The following DIP2B variants were observed in gnomAD, a reference collection of about 807,000 sequenced individuals.
The protein encoded by DIP2B is disco-interacting protein 2 homolog B.
In DIP2B, 76 loss-of-function variants were observed where a neutral mutation model predicts 198.0. That is an observed-to-expected ratio of 0.38 (90% CI 0.32 to 0.46). The LOEUF (loss-of-function observed/expected upper bound fraction) is 0.46. Ranked by LOEUF, DIP2B falls within the 20% of genes least tolerant of loss-of-function variation. The pLI is 0.99. For missense variants in DIP2B, 1,559 were observed against 1,978.4 expected, an observed-to-expected ratio of 0.79 and a Z score of 4.02; for synonymous variants, 701 against 739.1, an observed-to-expected ratio of 0.95 and a Z score of 0.84.
chr12:50,608,231 G>T (rs531508898), intron 1 of DIP2B, among the ~76,000 whole-genome samples: 2 of 152,118 alleles, frequency 1.3e-5, no homozygotes, highest in African/African-American at 4.8e-5. Flanking sequence ...CATATCAAAT[G>T]GTTGCTGTTT....
intron 12 of DIP2B, 144 bp from the exon 13 acceptor site, chr12:50,690,905 T>C (rs1326030698): frequency 3.2e-6 from 2 of 633,534 alleles, no homozygotes; most frequent in East Asian, 5.7e-5. Context: ...GAGACCCTAG[T>C]ACATTGCCTT....
intron 1 of DIP2B, among the ~76,000 whole-genome samples, chr12:50,547,709 A>G (rs1958389857): frequency 6.6e-6 from 1 of 152,214 alleles, no homozygotes; most frequent in African/African-American, 2.4e-5. Flanking sequence ...GCTAAAAAAT[A>G]TCTGTAATAT....
chr12:50,550,863 T>A (rs1048728472), intron 1 of DIP2B, among the ~76,000 whole-genome samples: 1 of 152,098 alleles, frequency 6.6e-6, no homozygotes, highest in Admixed American at 6.6e-5. Flanking sequence ...GTGGCTCACG[T>A]TTATAATCCC....
intron 28 of DIP2B, 113 bp from the exon 29 acceptor site, chr12:50,727,590 A>G (rs1376000704): frequency 1.1e-6 from 1 of 915,908 alleles, no homozygotes; most frequent in Non-Finnish European, 1.7e-6. Context: ...TGAGAGGCCT[A>G]AGCTTTAGCA....
chr12:50,640,142 A>T (rs1938228888), intron 2 of DIP2B, among the ~76,000 whole-genome samples: 1 of 152,176 alleles, frequency 6.6e-6, no homozygotes, highest in Non-Finnish European at 1.5e-5. Flanking sequence ...ATCATTTGAG[A>T]TAAAAAGGCA....
chr12:50,669,688 G>A (rs2139522369), intron 4 of DIP2B, among the ~76,000 whole-genome samples: 1 of 152,264 alleles, frequency 6.6e-6, no homozygotes, highest in African/African-American at 2.4e-5. Flanking sequence ...GCCTCCCAAA[G>A]TACTGGGATT....
intron 10 of DIP2B, among the ~76,000 whole-genome samples, chr12:50,684,660 C>A (rs1939103255): frequency 6.6e-6 from 1 of 151,710 alleles, no homozygotes; most frequent in South Asian, 2.1e-4. Context: ...GGTGTGATGG[C>A]ACAAGCCTGT....
chr12:50,518,653 A>G (rs1018085597), intron 1 of DIP2B, among the ~76,000 whole-genome samples: 3 of 152,108 alleles, frequency 2.0e-5, no homozygotes, highest in Non-Finnish European at 4.4e-5. Context: ...TTTGACCTCC[A>G]TCTCCCTGAA....
chr12:50,639,786 A>G (rs1399172824), intron 2 of DIP2B, among the ~76,000 whole-genome samples: 3 of 152,224 alleles, frequency 2.0e-5, no homozygotes, highest in African/African-American at 4.8e-5. Context: ...ATGTGACAAC[A>G]TGGATGAACC....
chr12:50,640,510 C>T (rs1350169734), intron 2 of DIP2B, among the ~76,000 whole-genome samples: 3 of 152,140 alleles, frequency 2.0e-5, no homozygotes, highest in African/African-American at 7.2e-5. Context: ...TATTCCTCTC[C>T]TATCAACCTG....
At position 50,676,217 on chromosome 12, in the gene DIP2B, G is replaced by T. The variant is rs761681537; in HGVS notation, c.916+769G>T. Among the ~76,000 whole-genome samples, 3 of 152,196 alleles carry T rather than the reference G, an allele frequency of 2.0e-5. No individual in the cohort carries two copies. In the East Asian group the frequency reaches 5.8e-4, roughly 29 times the overall value. The stretch of plus-strand genomic sequence containing the variant: ...TGATAATTATAGAGTGATGACGATA[G>T]ATCTAGACAAATAGATCTACCTAAG... On this transcript the variant is annotated intron_variant, in intron 7 of 37. Transcript: ENST00000301180.
chr12:50,661,789 G>C (rs1293587974), intron 4 of DIP2B, among the ~76,000 whole-genome samples: 1 of 152,200 alleles, frequency 6.6e-6, no homozygotes, highest in Admixed American at 6.5e-5. Flanking sequence ...GCAAAGGGTA[G>C]GGAGCAGCAT....
In DIP2B at chr12:50,735,080, C is replaced by G. The variant is rs1327087547; in HGVS notation, c.4051C>G (p.Leu1351Val). 1.2e-6 allele frequency: 2 copies of G among 1,614,160 alleles called. No individual in the cohort carries two copies. The highest frequency in any genetic ancestry group is 1.7e-6 in the Non-Finnish European group (2 of 1,180,030). Residue 1351 changes from leucine (L) to valine (V), a missense_variant, in exon 34 of 38, where the codon CTC becomes GTC. Leu to Val is a conservative substitution (Grantham distance 32). Transcript: ENST00000301180. ...LKSLRHDRVR[L>V]VERGAPQSLL... is the part of the protein sequence containing the mutation. ...AATACCGTTCTTCTGCAGGGTTCGT[C>G]TCGTGGAACGTGGCGCCCCTCAGAG... is the stretch of plus-strand genomic sequence containing the variant.
intron 1 of DIP2B, among the ~76,000 whole-genome samples, chr12:50,519,333 T>C (rs1958094964): frequency 6.6e-6 from 1 of 152,150 alleles, no homozygotes; most frequent in African/African-American, 2.4e-5. Flanking sequence ...ACTCCTGGGC[T>C]CAAGCGATCC....
At chr12:50,573,332 C>T (rs952276419) in intron 1 of DIP2B, among the ~76,000 whole-genome samples, 1 of 152,186 alleles carries the variant, frequency 6.6e-6, no homozygotes, top group Non-Finnish European at 1.5e-5. Context: ...GATTGAGTAT[C>T]GATCAAGTTG....
chr12:50,705,252 T>A (rs1253544460), intron 20 of DIP2B, among the ~76,000 whole-genome samples: 7 of 152,240 alleles, frequency 4.6e-5, no homozygotes, highest in Admixed American at 1.3e-4. Flanking sequence ...ATAAGAGATC[T>A]AATTTTATTT....
At chr12:50,521,209 C>A (rs988616495) in intron 1 of DIP2B, among the ~76,000 whole-genome samples, 2 of 144,996 alleles carry the variant, frequency 1.4e-5, no homozygotes, top group African/African-American at 5.1e-5. Context: ...CGGGTTTAAT[C>A]GATTCTCCTG....
At chr12:50,520,924 GTC>G (rs1958111763) in intron 1 of DIP2B, among the ~76,000 whole-genome samples, 1 of 151,862 alleles carries the variant, frequency 6.6e-6, no homozygotes, top group African/African-American at 2.4e-5. Flanking sequence ...GCTCATTCCT[GTC>G]TCTGCATTTG....
In DIP2B at chr12:50,707,719, TG is replaced by T. The variant is rs1565877943; in HGVS notation, c.2535-724del. On this transcript the variant is annotated intron_variant, in intron 21 of 37. Coordinates refer to ENST00000301180, the MANE Select transcript of DIP2B (RefSeq NM_173602.3). The stretch of plus-strand genomic sequence containing the variant: ...GACAAGTGCTATGGAGAAAAACACA[TG>T]GGGGTGGGGGTGGCCTGCCAGTTTC... Among the ~76,000 whole-genome samples the T allele has an allele frequency of 2.0e-5, 3 of 151,190 alleles. No homozygotes were observed. The East Asian group carries it at 5.9e-4, about 30-fold the overall frequency.
Sources: gnomAD v4.1 joint callset for allele counts (sites outside exome capture counted in the v4.1 genomes callset) on GRCh38, gnomAD v4.1.1 for gene constraint, MANE v1.5 for transcripts, NCBI Gene and HGNC (gene_info 2026-07-23, HGNC 2026-07-21) for gene names.